KIF23: variants seen among roughly 807,000 people sequenced by gnomAD.
KIF23 encodes kinesin family member 23, also known as kinesin-like protein KIF23.
Under a neutral mutation model 137.5 loss-of-function variants are expected in KIF23, and 30 were observed. That is an observed-to-expected ratio of 0.22 (90% CI 0.16 to 0.30). The LOEUF is 0.30. Ranked by LOEUF, KIF23 falls within the 10% of genes least tolerant of loss-of-function variation. The pLI is 1.00. For missense variants in KIF23, 920 were observed against 1,194.3 expected (o/e 0.77, Z 3.38); for synonymous variants, 367 against 391.1 (o/e 0.94, Z 0.73).
chr15:69,433,366 T>C (rs1003642694), intron 11 of KIF23, among the ~76,000 whole-genome samples: 2 of 152,206 alleles, frequency 1.3e-5, no homozygotes, highest in African/African-American at 4.8e-5. Flanking sequence ...CTTGAAAGCT[T>C]GATTAGACTG....
At chr15:69,426,624 G>A (rs539105193) in intron 10 of KIF23, 167 bp downstream of exon 10, 230 of 669,088 alleles carry the variant, frequency 3.4e-4, no homozygotes, top group Admixed American at 6.5e-4. Flanking sequence ...GTGTACCTGA[G>A]GCAGGAGGAT....
Position 69,446,317 on chromosome 15 carries a change from G to A in KIF23, c.2791G>A (p.Ala931Thr). ...RKRRSSTVAP[A>T]QPDGAESEWT... ...ACGAAGATCTTCCACAGTAGCACCT[G>A]CCCAACCAGATGGTGCAGAGTCTGA... Residue 931 changes from alanine (A) to threonine (T), a missense_variant, in exon 22 of 24, where the codon GCC becomes ACC. This residue lies in a region of KIF23 where 75 missense variants were observed against 177.9 expected (regional missense o/e 0.42). Coordinates refer to ENST00000679126, the MANE Select transcript of KIF23 (RefSeq NM_001367805.3). 3 of 1,614,134 alleles carry A rather than the reference G, an allele frequency of 1.9e-6. No homozygotes were observed. The highest frequency in any genetic ancestry group is 1.6e-4 in the Middle Eastern group (1 of 6,062).
chr15:69,446,952 A>C lies in KIF23; in HGVS notation c.2909+11A>C. ...TCACGCACAACCCAAGTGAGTACTG[A>C]CTGTAATTGGGGTCTTGCTGTGTGC... On this transcript the variant is annotated intron_variant, in intron 23 of 23. Transcript: ENST00000679126. 6.2e-7 allele frequency: 1 copy of C among 1,611,842 alleles called. No individual in the cohort carries two copies. Among genetic ancestry groups the C allele is most frequent in the African/African-American group, 1.3e-5 (1 of 74,978 alleles).
Position 69,447,985 on chromosome 15 carries a change from C to A in KIF23, c.*178C>A. On this transcript the variant is annotated 3_prime_UTR_variant, in exon 24 of 24. Coordinates refer to ENST00000679126, the MANE Select transcript of KIF23 (RefSeq NM_001367805.3). ...GCTTTCCCTATGGTTCCAAAGACAA[C>A]TAGTATTCAACAAACCTTGTATAGT... The A allele has an allele frequency of 1.3e-5, 6 of 478,028 alleles. No homozygotes were observed. Among genetic ancestry groups the A allele is most frequent in the Non-Finnish European group, 2.2e-5 (6 of 268,808 alleles). The allele number at this position is 478,028 out of a possible 1,614,324, so 29.6% of individuals were successfully genotyped here.
intron 11 of KIF23, among the ~76,000 whole-genome samples, chr15:69,432,743 G>A (rs1375120658): frequency 1.3e-5 from 2 of 152,158 alleles, no homozygotes; most frequent in Non-Finnish European, 2.9e-5. Flanking sequence ...CAGTAATTAT[G>A]TGCTTCTTTA....
chr15:69,423,282 C>T lies in KIF23; in HGVS notation c.687C>T (p.Tyr229=). 6.3e-7 allele frequency: 1 copy of T among 1,576,050 alleles called. No individual in the cohort carries two copies. Among genetic ancestry groups the T allele is most frequent in the Non-Finnish European group, 8.6e-7 (1 of 1,156,448 alleles). ...FVSYIEIYNN[Y]IYDLLEEVPF... is the part of the protein sequence containing the mutation. ...CTTATATTGAAATATATAATAATTA[C>T]ATATATGATCTATTGGAAGAGGTGC... is the stretch of plus-strand genomic sequence containing the variant. The change falls in exon 7 of 24, where the codon TAC becomes TAT. Residue 229 remains tyrosine (Y), a synonymous_variant. Coordinates refer to ENST00000679126, the MANE Select transcript of KIF23 (RefSeq NM_001367805.3).
intron 8 of KIF23, 78 bp downstream of exon 8, chr15:69,425,401 A>G (rs1348313706): frequency 5.5e-6 from 7 of 1,272,158 alleles, no homozygotes; most frequent in Non-Finnish European, 7.7e-6. Context: ...GCATGTTTGC[A>G]TGTAGGTTAT....
chr15:69,444,565 C>A lies in KIF23; in HGVS notation c.2422-225C>A. ...CATTACCAGAATTTTTTCTTTTATCCTTTATTGAAAGGGAAACTCCCAGAT... is the reference window on the plus strand; with the variant it reads ...CATTACCAGAATTTTTTCTTTTATCATTTATTGAAAGGGAAACTCCCAGAT... On this transcript the variant is annotated intron_variant, in intron 19 of 23. Coordinates refer to ENST00000679126, the MANE Select transcript of KIF23 (RefSeq NM_001367805.3). The surrounding 1 kb of genome is among the most constrained non-coding windows in gnomAD (Gnocchi z 4.2). 2 of 501,678 alleles carry A rather than the reference C, an allele frequency of 4.0e-6. No individual in the cohort carries two copies. Among genetic ancestry groups the A allele is most frequent in the South Asian group, 5.8e-5 (2 of 34,762 alleles). The allele number at this position is 501,678 out of a possible 1,614,324, so 31.1% of individuals were successfully genotyped here.
rs1190900473 is a variant in KIF23 at position 69,440,312 on chromosome 15, G to A, written c.1934G>A (p.Arg645His). The A allele has an allele frequency of 1.2e-6, 2 of 1,612,614 alleles. No homozygotes were observed. Among genetic ancestry groups the A allele is most frequent in the Non-Finnish European group, 1.7e-6 (2 of 1,179,524 alleles). ...ATTGCCACTGATAATCTGTAGGAGC[G>A]TAGAGTGGCAGCCAAACAGCTGGAG... ...TTMKWEKECE[R>H]RVAAKQLEMQ... is the part of the protein sequence containing the mutation. The change falls in exon 18 of 24, where the codon CGT (arginine) becomes CAT (histidine). Residue 645 changes from arginine to histidine, a missense_variant. Transcript: ENST00000679126.
chr15:69,447,915 G>T lies in KIF23; in HGVS notation c.*108G>T. 8.7e-7 allele frequency: 1 copy of T among 1,143,900 alleles called. No homozygotes were observed. Among genetic ancestry groups the T allele is most frequent in the South Asian group, 1.4e-5 (1 of 73,676 alleles). The allele number at this position is 1,143,900 out of a possible 1,614,324, so 70.9% of individuals were successfully genotyped here. On this transcript the variant is annotated 3_prime_UTR_variant, in exon 24 of 24. Transcript: ENST00000679126. ...CATCTTGTAGAACTCCAGCTTTGTTGAAAATCACGGACCTCAGCTACATCA... is the reference window on the plus strand; with the variant it reads ...CATCTTGTAGAACTCCAGCTTTGTTTAAAATCACGGACCTCAGCTACATCA...
chr15:69,421,157 C>T (rs1364903284), intron 3 of KIF23, among the ~76,000 whole-genome samples: 1 of 152,152 alleles, frequency 6.6e-6, no homozygotes, highest in African/African-American at 2.4e-5. Context: ...CTTTGGAAGG[C>T]TGAGGTGGGT....
intron 10 of KIF23, 33 bp from the exon 11 acceptor site, chr15:69,429,078 C>T (rs751072116): frequency 1.6e-5 from 23 of 1,404,388 alleles, no homozygotes; most frequent in Non-Finnish European, 2.2e-5. Context: ...AGTTATAACC[C>T]ATTTTAAGTT....
Position 69,438,533 on chromosome 15 carries a change from C to T in KIF23, c.1755+128C>T, listed in dbSNP as rs553404424. The T allele has an allele frequency of 7.9e-6, 6 of 762,280 alleles. No individual in the cohort carries two copies. The Admixed American group carries it at 1.8e-4, about 23-fold the overall frequency. The allele number at this position is 762,280 out of a possible 1,614,324, so 47.2% of individuals were successfully genotyped here. A position where few individuals can be genotyped will look rare whatever the true frequency, so the allele number is the denominator to read the frequency against. On this transcript the variant is annotated intron_variant, in intron 16 of 23. Transcript: ENST00000679126. The stretch of plus-strand genomic sequence containing the variant: ...GAGTTCTCGGTTGAGTGCGGTGGCT[C>T]ATGCAGGTAATTCCAACACTTTGGG...
intron 3 of KIF23, among the ~76,000 whole-genome samples, chr15:69,420,560 A>T (rs2057028497): frequency 6.6e-6 from 1 of 152,200 alleles, no homozygotes; most frequent in South Asian, 2.1e-4. Context: ...TAAAGGTCAC[A>T]ATTTATTTAA....
intron 16 of KIF23, 84 bp downstream of exon 16, chr15:69,438,489 T>G: frequency 3.1e-6 from 4 of 1,275,030 alleles, no homozygotes; most frequent in Non-Finnish European, 4.3e-6. Flanking sequence ...TCCAACGGCC[T>G]GTAAATGCTG....
chr15:69,447,677 C>G lies in KIF23; in HGVS notation c.2910-115C>G. The G allele has an allele frequency of 1.3e-5, 12 of 916,398 alleles. No individual in the cohort carries two copies. The South Asian group carries it at 2.2e-4, about 16-fold the overall frequency. The allele number at this position is 916,398 out of a possible 1,614,324, so 56.8% of individuals were successfully genotyped here. On this transcript the variant is annotated intron_variant, in intron 23 of 23. Coordinates refer to ENST00000679126, the MANE Select transcript of KIF23 (RefSeq NM_001367805.3). ...AAAGTTGTTTGCTTTCTCAGAGGGACTTGAATTATCTCATCATAAAACAGC... is the reference window on the plus strand; with the variant it reads ...AAAGTTGTTTGCTTTCTCAGAGGGAGTTGAATTATCTCATCATAAAACAGC...
intron 6 of KIF23, chr15:69,422,907 C>A: frequency 3.0e-6 from 1 of 338,516 alleles, no homozygotes; most frequent in Non-Finnish European, 5.3e-6. Flanking sequence ...TTCAAACGAT[C>A]CTCCTGCCTC....
intron 23 of KIF23, 22 bp from the exon 24 acceptor site, chr15:69,447,770 A>C: frequency 6.3e-7 from 1 of 1,599,172 alleles, no homozygotes; most frequent in South Asian, 1.1e-5. Context: ...TTCAACTCTA[A>C]GTGCTGGTTG....
At chr15:69,434,975 C>T (rs1346998673) in intron 11 of KIF23, 6 of 633,080 alleles carry the variant, frequency 9.5e-6, no homozygotes, top group East Asian at 2.7e-5. Flanking sequence ...GTGTGTAGGC[C>T]GTGGACAGCT....
Sources: gnomAD v4.1 joint callset for allele counts (sites outside exome capture counted in the v4.1 genomes callset) on GRCh38, gnomAD v4.1.1 for gene constraint, gnomAD v4.1.1 regional missense constraint, Gnocchi (gnomAD v3.1) non-coding constraint, MANE v1.5 for transcripts, NCBI Gene and HGNC (gene_info 2026-07-23, HGNC 2026-07-21) for gene names.